The following PCGF5 variants were observed in gnomAD, a reference collection of about 807,000 sequenced individuals.
PCGF5 encodes polycomb group RING finger protein 5.
PCGF5 carries 9 observed loss-of-function variants against 44.3 expected under a neutral mutation model. The observed-to-expected ratio is 0.20, with a 90% CI of 0.12 to 0.35. PCGF5 has a LOEUF of 0.35. Among genes scored for constraint, PCGF5 ranks in the 10% least tolerant of loss-of-function variants. PCGF5 has a pLI of 1.00. For synonymous variants in PCGF5, 95 were observed against 102.5 expected (o/e 0.93, Z 0.44); for missense variants, 146 against 305.3 (o/e 0.48, Z 3.89).
chr10:91,248,589 T>G, intron 4 of PCGF5, 29 bp downstream of exon 4: 3 of 1,608,018 alleles, frequency 1.9e-6, no homozygotes, highest in Non-Finnish European at 2.6e-6. Flanking sequence ...TCTTGCAGAC[T>G]TTTGTGTTTT....
intron 1 of PCGF5, among the ~76,000 whole-genome samples, chr10:91,199,279 T>C (rs959249115): frequency 7.2e-5 from 11 of 152,168 alleles, no homozygotes; most frequent in African/African-American, 2.7e-4. Flanking sequence ...ATCCAGGATG[T>C]TTATTAGGGA....
At chr10:91,156,871 CT>C in the PCGF5 span, among the ~76,000 whole-genome samples, 1 of 152,168 alleles carries the variant, frequency 6.6e-6, no homozygotes, top group African/African-American at 2.4e-5. Context: ...GTTTTCTCCT[CT>C]CTTTAAAGTG....
At chr10:91,166,500 A>G (rs1843502808) in intron 1 of PCGF5, among the ~76,000 whole-genome samples, 1 of 152,242 alleles carries the variant, frequency 6.6e-6, no homozygotes, top group Non-Finnish European at 1.5e-5. Context: ...TTAACCTTAG[A>G]ACTTTTACAA....
At chr10:91,270,041 T>C (rs1441158053) in intron 8 of PCGF5, among the ~76,000 whole-genome samples, 1 of 152,238 alleles carries the variant, frequency 6.6e-6, no homozygotes. Flanking sequence ...CTGACATAAA[T>C]GTTATTAATA....
rs888094812 is a variant in PCGF5 at position 91,180,808 on chromosome 10, G to A, written c.-184+17727G>A. Among the ~76,000 whole-genome samples, 7 of 152,240 alleles carry A rather than the reference G, an allele frequency of 4.6e-5. No homozygotes were observed. The East Asian group carries it at 1.3e-3, about 29-fold the overall frequency. On this transcript the variant is annotated intron_variant, in intron 1 of 9. Transcript: ENST00000614189. ...TGATGCCTCCAGCTTTGTTCTTTTT[G>A]CTTAGGATTGCCTTGGCTATTCAGG...
intron 1 of PCGF5, among the ~76,000 whole-genome samples, chr10:91,173,122 G>T (rs946829378): frequency 1.3e-5 from 2 of 152,184 alleles, no homozygotes; most frequent in Admixed American, 1.3e-4. Flanking sequence ...CAAGTAAATA[G>T]TGTTATGCAA....
rs759182214 is a variant in PCGF5 at position 91,248,516 on chromosome 10, C to T, written c.221C>T (p.Thr74Ile). ...CCCCCCTTTCGAAGGTTGGACAATA[C>T]ATTAGAGGAAATTATATTTAAGCTG... Reference protein sequence around the residue: ...NPLEMLRLDNTLEEIIFKLVP... With the variant: ...NPLEMLRLDNILEEIIFKLVP... The change falls in exon 4 of 10, where the codon ACA becomes ATA. Residue 74 changes from threonine to isoleucine, a missense_variant. Thr to Ile is a moderately conservative substitution (Grantham distance 89, BLOSUM62 -1). This residue lies in a region of PCGF5 where 123 missense variants were observed against 268.6 expected (regional missense o/e 0.46). Coordinates refer to ENST00000336126, the MANE Select transcript of PCGF5 (RefSeq NM_032373.5). The T allele has an allele frequency of 1.9e-6, 3 of 1,612,602 alleles. No individual in the cohort carries two copies. In the Admixed American group the frequency reaches 5.0e-5, roughly 27 times the overall value.
At chr10:91,209,799 A>AG (rs1844414949) in intron 1 of PCGF5, among the ~76,000 whole-genome samples, 1 of 130,672 alleles carries the variant, frequency 7.7e-6, no homozygotes, top group Non-Finnish European at 1.8e-5. Flanking sequence ...AAAAAAAGAA[A>AG]AACGAAGAAA....
At chr10:91,255,242 A>G (rs1845718881) in intron 6 of PCGF5, among the ~76,000 whole-genome samples, 1 of 152,110 alleles carries the variant, frequency 6.6e-6, no homozygotes, top group African/African-American at 2.4e-5. Context: ...TGCCTGAGGT[A>G]TAGATAACAT....
At chr10:91,241,357 C>T (rs1245934391) in intron 3 of PCGF5, among the ~76,000 whole-genome samples, 1 of 152,076 alleles carries the variant, frequency 6.6e-6, no homozygotes, top group African/African-American at 2.4e-5. Flanking sequence ...TGTGAGCCAC[C>T]ACACCTGGCC....
At chr10:91,277,715 T>A (rs561301246) in intron 9 of PCGF5, among the ~76,000 whole-genome samples, 1 of 152,362 alleles carries the variant, frequency 6.6e-6, no homozygotes, top group South Asian at 2.1e-4. Context: ...CAGCTACTTT[T>A]TCAATATTTT....
rs1265884209 is a variant in PCGF5 at position 91,208,640 on chromosome 10, T to C, written c.-183-14049T>C. 5.9e-5 allele frequency among the ~76,000 whole-genome samples: 9 copies of C among 152,138 alleles called. No individual in the cohort carries two copies. In the East Asian group the frequency reaches 1.7e-3, roughly 29 times the overall value. ...GAAGAGAATGATCTCTTGGAAAATA[T>C]ATGAACTCTGGTAGGCATAGGGGAG... On this transcript the variant is annotated intron_variant, in intron 1 of 9. Coordinates refer to the PCGF5 transcript ENST00000614189.
chr10:91,251,258 T>G, intron 5 of PCGF5, 34 bp from the exon 6 acceptor site: 1 of 1,544,774 alleles, frequency 6.5e-7, no homozygotes, highest in Non-Finnish European at 8.8e-7. Flanking sequence ...CAACTTTGAT[T>G]TATAGCTAAC....
At chr10:91,238,679 A>G (rs1165993346) in intron 2 of PCGF5, among the ~76,000 whole-genome samples, 1 of 135,416 alleles carries the variant, frequency 7.4e-6, no homozygotes, top group Admixed American at 8.3e-5. Context: ...CTGGGAAAAG[A>G]GCAAATACCA....
intron 6 of PCGF5, among the ~76,000 whole-genome samples, chr10:91,260,091 T>G (rs2133408521): frequency 7.6e-6 from 1 of 132,048 alleles, no homozygotes; most frequent in South Asian, 2.2e-4. Flanking sequence ...ATATCCAGAA[T>G]CTGCAATGAA....
intron 6 of PCGF5, among the ~76,000 whole-genome samples, chr10:91,260,850 C>T (rs1845888880): frequency 6.6e-6 from 1 of 151,320 alleles, no homozygotes; most frequent in South Asian, 2.1e-4. Flanking sequence ...AGGAGATATA[C>T]CTAATGCTAA....
At chr10:91,239,298 G>T (rs1845261616) in intron 2 of PCGF5, among the ~76,000 whole-genome samples, 1 of 152,072 alleles carries the variant, frequency 6.6e-6, no homozygotes, top group South Asian at 2.1e-4. Flanking sequence ...TTGAATCAAT[G>T]AATAAACAAA....
At chr10:91,217,232 A>G (rs1188499296), upstream of PCGF5, among the ~76,000 whole-genome samples, 1 of 152,104 alleles carries the variant, frequency 6.6e-6, no homozygotes, top group Non-Finnish European at 1.5e-5. Flanking sequence ...AAGGAGTTTC[A>G]CCGTGTTAGC....
chr10:91,234,881 A>T (rs1443288482), intron 2 of PCGF5, among the ~76,000 whole-genome samples: 2 of 152,220 alleles, frequency 1.3e-5, no homozygotes, highest in Non-Finnish European at 2.9e-5. Flanking sequence ...CCTCAACATT[A>T]TCTGGAACAA....
Sources: gnomAD v4.1 joint callset for allele counts (sites outside exome capture counted in the v4.1 genomes callset) on GRCh38, gnomAD v4.1.1 for gene constraint, gnomAD v4.1.1 regional missense constraint, MANE v1.5 for transcripts, NCBI Gene and HGNC (gene_info 2026-07-23, HGNC 2026-07-21) for gene names.